MGME1: variants seen among roughly 807,000 people sequenced by gnomAD.
MGME1 encodes mitochondrial genome maintenance exonuclease 1.
Under a neutral mutation model 33.0 loss-of-function variants are expected in MGME1, and 22 were observed. That is an observed-to-expected ratio of 0.67 (90% confidence interval 0.48 to 0.95). The LOEUF (loss-of-function observed/expected upper bound fraction) is 0.95. Among genes scored for constraint, MGME1 ranks in the 40% least tolerant of loss-of-function variants. The probability of loss-of-function intolerance (pLI) is 0.00; values close to 1 mark genes in which losing one functional copy is unlikely to be tolerated. For synonymous variants in MGME1, 133 were observed against 144.0 expected, an observed-to-expected ratio of 0.92 and a Z score of 0.55; for missense variants, 383 against 397.8, an observed-to-expected ratio of 0.96 and a Z score of 0.32.
In MGME1 at chr20:17,990,375, C is replaced by T. The variant is rs2036266712; in HGVS notation, c.*266C>T. Reference sequence around the variant, plus strand: ...AAGGAGGACACGCAGGATGGGCAGTCATGCTGGTGACTCTTGTACTCCCTT... The same window carrying T: ...AAGGAGGACACGCAGGATGGGCAGTTATGCTGGTGACTCTTGTACTCCCTT... On this transcript the variant is annotated 3_prime_UTR_variant, in exon 5 of 5. Transcript: ENST00000377710. The T allele has an allele frequency of 2.9e-6, 1 of 347,120 alleles. No individual in the cohort carries two copies. Among genetic ancestry groups the T allele is most frequent in the Admixed American group, 4.4e-5 (1 of 22,832 alleles). 21.5% of individuals were successfully genotyped at this position (347,120 alleles called of 1,614,324 possible).
chr20:17,989,045 T>A (rs1450171023), intron 4 of MGME1, among the ~76,000 whole-genome samples: 3 of 151,972 alleles, frequency 2.0e-5, no homozygotes, highest in Admixed American at 6.6e-5. Flanking sequence ...GCCGAGATTG[T>A]ACCACTGCAC....
rs139594386 is a variant in MGME1 at position 17,980,343 on chromosome 20, G to T, written c.731+4440G>T. On this transcript the variant is annotated intron_variant, in intron 3 of 4. Transcript: ENST00000377710. ...GCCCGACCCCACTGAATTTTTAATGGGTAATATGCTATTAAGAGTAACTCC... is the reference window on the plus strand; with the variant it reads ...GCCCGACCCCACTGAATTTTTAATGTGTAATATGCTATTAAGAGTAACTCC... Among the ~76,000 whole-genome samples the T allele has an allele frequency of 9.0e-3, 1,357 of 151,554 alleles. 24 individuals carry two copies. Among genetic ancestry groups the T allele is most frequent in the African/African-American group, 0.031 (1,278 of 41,294 alleles).
intron 2 of MGME1, chr20:17,972,799 A>G (rs1310830532): frequency 4.1e-6 from 4 of 984,852 alleles, no homozygotes; most frequent in Non-Finnish European, 4.8e-6. Flanking sequence ...GGCATTTGCT[A>G]AGTTTTTTTC....
intron 2 of MGME1, among the ~76,000 whole-genome samples, chr20:17,972,397 G>A (rs1006852126): frequency 4.0e-5 from 6 of 149,860 alleles, no homozygotes; most frequent in Non-Finnish European, 8.9e-5. Context: ...TTTATATTTT[G>A]TGTATAAATA....
rs73599786 is a variant in MGME1 at position 17,985,517 on chromosome 20, T to C, written c.732-2649T>C. On this transcript the variant is annotated intron_variant, in intron 3 of 4. Transcript: ENST00000377710. ...AGAAAAACGTTTTTTATAAATTTAG[T>C]GTAGCGTAAGTGTACAGTGTTTATA... Among the ~76,000 whole-genome samples the C allele has an allele frequency of 8.7e-3, 1,330 of 152,302 alleles. 38 individuals are homozygous for C. The East Asian group carries it at 0.11, about 12-fold the overall frequency.
intron 3 of MGME1, 91 bp from the exon 4 acceptor site, chr20:17,988,075 G>C (rs2036198031): frequency 1.2e-5 from 16 of 1,289,750 alleles, no homozygotes; most frequent in Non-Finnish European, 1.7e-5. Context: ...TGGCTGACAA[G>C]TAACAAACTA....
In MGME1 at chr20:17,981,077, C is replaced by T. The variant is rs80228372; in HGVS notation, c.731+5174C>T. Among the ~76,000 whole-genome samples, 795 of 152,234 alleles carry T rather than the reference C, an allele frequency of 5.2e-3. 21 individuals carry two copies. The East Asian group carries it at 0.074, about 14-fold the overall frequency. ...ACCTCCTTCTAGTCTGCCTTCTACGCTCTTTTTTGTTCTTTTCTTTTTTTA... is the reference window on the plus strand; with the variant it reads ...ACCTCCTTCTAGTCTGCCTTCTACGTTCTTTTTTGTTCTTTTCTTTTTTTA... On this transcript the variant is annotated intron_variant, in intron 3 of 4. Coordinates refer to ENST00000377710, the MANE Select transcript of MGME1 (RefSeq NM_052865.4).
Position 17,973,723 on chromosome 20 carries a change from A to G in MGME1, c.512-1961A>G, listed in dbSNP as rs552726955. On this transcript the variant is annotated intron_variant, in intron 2 of 4. Coordinates refer to ENST00000377710, the MANE Select transcript of MGME1 (RefSeq NM_052865.4). ...CTGCAAGCATGTTCCAAGCACGTGT[A>G]TTTCCTGCTCTGTTTCTCTGAGTAT... Among the ~76,000 whole-genome samples, 4 of 151,828 alleles carry G rather than the reference A, an allele frequency of 2.6e-5. No homozygotes were observed. In the East Asian group the frequency reaches 7.7e-4, roughly 29 times the overall value.
chr20:17,980,369 C>CCCGGCCGGGCGCGGTGGCT (rs2035980525), intron 3 of MGME1, among the ~76,000 whole-genome samples: 1 of 151,888 alleles, frequency 6.6e-6, no homozygotes, highest in African/African-American at 2.4e-5. Context: ...GAGTAACTCC[C>CCCGGCCGGGCGCGGTGGCT]CACACCCACT....
Position 17,990,147 on chromosome 20 carries a change from C to A in MGME1, c.*38C>A, listed in dbSNP as rs371167611. 3.1e-6 allele frequency: 5 copies of A among 1,589,988 alleles called. No individual in the cohort carries two copies. Among genetic ancestry groups the A allele is most frequent in the Middle Eastern group, 1.7e-4 (1 of 6,014 alleles). ...TATTTGGGAACATTCAGCACCTTCT[C>A]ACAGTTTGGGAACATATATTGCTGT... On this transcript the variant is annotated 3_prime_UTR_variant, in exon 5 of 5. Coordinates refer to ENST00000377710, the MANE Select transcript of MGME1 (RefSeq NM_052865.4).
Position 17,971,697 on chromosome 20 carries a change from GT to G in MGME1, c.511+1337del, listed in dbSNP as rs58730246. Among the ~76,000 whole-genome samples the G allele has an allele frequency of 5.1e-4, 76 of 149,084 alleles. No individual in the cohort carries two copies. The South Asian group carries it at 5.5e-3, about 11-fold the overall frequency. ...AGCCCAGGCAGAGAGAAGACTGGTT[GT>G]TTTTTTTTTCATAGAGTCAGCTTTG... On this transcript the variant is annotated intron_variant, in intron 2 of 4. Transcript: ENST00000377710.
chr20:17,971,881 G>A (rs914505774), intron 2 of MGME1, among the ~76,000 whole-genome samples: 3 of 152,158 alleles, frequency 2.0e-5, no homozygotes, highest in Admixed American at 6.5e-5. Context: ...GACCACAGGC[G>A]TGCACCACCA....
At position 17,988,680 on chromosome 20, in the gene MGME1, G is replaced by A. The variant is rs533872391; in HGVS notation, c.864+382G>A. On this transcript the variant is annotated intron_variant, in intron 4 of 4. Transcript: ENST00000377710. ...AAAAAAAAAAAAAAACTTCTCAGTG[G>A]GGGGGTAGGAGGAGAAAAATTGTAA... Among the ~76,000 whole-genome samples the A allele has an allele frequency of 1.5e-4, 22 of 149,534 alleles. No individual in the cohort carries two copies. The East Asian group carries it at 3.4e-3, about 23-fold the overall frequency.
At chr20:17,970,418 TAGAG>T (rs749026623) in intron 2 of MGME1, 48 bp downstream of exon 2, 12 of 1,531,986 alleles carry the variant, frequency 7.8e-6, no homozygotes, top group South Asian at 2.5e-5. Flanking sequence ...TTTTCTATAA[TAGAG>T]AGCAACGGTG....
At chr20:17,972,652 A>G in intron 2 of MGME1, 1 of 983,878 alleles carries the variant, frequency 1.0e-6, no homozygotes, top group South Asian at 4.7e-5. Context: ...ATTTTTATAA[A>G]TTGAATCATG....
intron 3 of MGME1, among the ~76,000 whole-genome samples, chr20:17,979,618 G>A (rs374620082): frequency 1.0e-4 from 15 of 150,260 alleles, no homozygotes; most frequent in East Asian, 3.9e-4. Context: ...GGGTTTCACC[G>A]TGTTAGCCAC....
At chr20:17,983,267 TTGTGTGTGTGTGTG>T (rs1555791107) in intron 3 of MGME1, among the ~76,000 whole-genome samples, 16 of 142,576 alleles carry the variant, frequency 1.1e-4, no homozygotes, top group African/African-American at 4.2e-4. Context: ...TAGTGTTCTA[TTGTGTGTGTGTGTG>T]TGTGTGTGTG....
intron 4 of MGME1, 47 bp from the exon 5 acceptor site, chr20:17,989,892 C>A: frequency 6.3e-7 from 1 of 1,580,538 alleles, no homozygotes; most frequent in South Asian, 1.1e-5. Context: ...AACCTAAACT[C>A]TGGACCTACT....
intron 3 of MGME1, among the ~76,000 whole-genome samples, chr20:17,980,939 C>T (rs938058582): frequency 1.3e-5 from 2 of 151,976 alleles, no homozygotes; most frequent in Non-Finnish European, 2.9e-5. Context: ...TTTTCCTTAT[C>T]CCTGTGATTA....
Sources: gnomAD v4.1 joint callset for allele counts (sites outside exome capture counted in the v4.1 genomes callset) on GRCh38, gnomAD v4.1.1 for gene constraint, MANE v1.5 for transcripts, NCBI Gene and HGNC (gene_info 2026-07-23, HGNC 2026-07-21) for gene names.